Variants in PDE8B observed in about 807,000 individuals in gnomAD.
PDE8B encodes phosphodiesterase 8B.
In PDE8B, 26 loss-of-function variants were observed where a neutral mutation model predicts 101.3. That is an observed-to-expected ratio of 0.26 (90% CI 0.19 to 0.36). The LOEUF is 0.36. Among genes scored for constraint, PDE8B ranks in the 10% least tolerant of loss-of-function variants. The pLI, the probability that PDE8B is intolerant of heterozygous loss-of-function variation, is 1.00. For missense variants in PDE8B, 810 were observed against 1,163.1 expected (o/e 0.70, Z 4.42); for synonymous variants, 424 against 429.3 (o/e 0.99, Z 0.15).
chr5:77,390,539 G>C (rs190718929), intron 10 of PDE8B, among the ~76,000 whole-genome samples: 2 of 152,182 alleles, frequency 1.3e-5, no homozygotes. Context: ...GCTTTTACAA[G>C]AGGAGAAACA....
chr5:77,137,130 G>A, the PDE8B span, among the ~76,000 whole-genome samples: 3 of 152,186 alleles, frequency 2.0e-5, no homozygotes, highest in Admixed American at 1.3e-4. Context: ...GTATTGTGAT[G>A]TGCGCTTCTG....
intron 1 of PDE8B, among the ~76,000 whole-genome samples, chr5:77,239,626 C>G (rs1273289720): frequency 2.6e-5 from 4 of 152,202 alleles, no homozygotes; most frequent in African/African-American, 9.6e-5. Context: ...TAACATCTAA[C>G]CTTTCTGAAA....
chr5:77,178,885 C>T, the PDE8B span, among the ~76,000 whole-genome samples: 16 of 152,338 alleles, frequency 1.1e-4, no homozygotes, highest in South Asian at 8.3e-4. Context: ...AGTTCCCTGC[C>T]GGGTGGGCCT....
intron 10 of PDE8B, among the ~76,000 whole-genome samples, chr5:77,396,230 C>G (rs1381623902): frequency 6.6e-6 from 1 of 152,220 alleles, no homozygotes; most frequent in East Asian, 1.9e-4. Flanking sequence ...GCCCTTCCCC[C>G]ACATTGACTA....
chr5:77,086,892 G>T, the PDE8B span: 2 of 152,330 alleles, frequency 1.3e-5, no homozygotes, highest in African/African-American at 4.8e-5. Context: ...CAAGAATGAG[G>T]CACTGGAAGA....
intron 1 of PDE8B, among the ~76,000 whole-genome samples, chr5:77,296,704 C>A (rs2149998626): frequency 6.6e-6 from 1 of 152,318 alleles, no homozygotes; most frequent in Non-Finnish European, 1.5e-5. Context: ...TATATTGACT[C>A]TTATTGATTG....
the PDE8B span, among the ~76,000 whole-genome samples, chr5:77,204,248 A>C: frequency 6.6e-6 from 1 of 151,662 alleles, no homozygotes; most frequent in Non-Finnish European, 1.5e-5. Flanking sequence ...ATCTCTACTA[A>C]AAATATAAAA....
intron 19 of PDE8B, among the ~76,000 whole-genome samples, chr5:77,421,052 G>T (rs950700947): frequency 3.9e-5 from 6 of 152,170 alleles, no homozygotes; most frequent in African/African-American, 7.2e-5. Flanking sequence ...AATCTTTCAG[G>T]TTCTATGTAA....
chr5:77,296,739 C>T (rs917849922), intron 1 of PDE8B, among the ~76,000 whole-genome samples: 1 of 152,186 alleles, frequency 6.6e-6, no homozygotes, highest in Admixed American at 6.6e-5. Flanking sequence ...AATAGATACT[C>T]TAAGTTAGGG....
intron 1 of PDE8B, among the ~76,000 whole-genome samples, chr5:77,263,529 T>C (rs1761055745): frequency 6.6e-6 from 1 of 152,200 alleles, no homozygotes; most frequent in Admixed American, 6.5e-5. Context: ...AAAATGAAAT[T>C]ACAGGAACCC....
intron 2 of PDE8B, among the ~76,000 whole-genome samples, chr5:77,314,183 G>A (rs567756037): frequency 2.6e-5 from 4 of 152,132 alleles, no homozygotes; most frequent in South Asian, 2.1e-4. Flanking sequence ...CATCTTTGTC[G>A]AAAATCAGTC....
intron 21 of PDE8B, 46 bp from the exon 22 acceptor site, chr5:77,426,399 G>A (rs1798153197): frequency 7.9e-7 from 1 of 1,262,054 alleles, no homozygotes; most frequent in African/African-American, 1.5e-5. Context: ...AATGCTCCTG[G>A]GGTCTAAGTT....
intron 1 of PDE8B, among the ~76,000 whole-genome samples, chr5:77,289,546 G>A (rs140603022): frequency 6.6e-6 from 1 of 152,354 alleles, no homozygotes; most frequent in East Asian, 1.9e-4. Flanking sequence ...GGTTGGAAGT[G>A]TCACTGGTCT....
the PDE8B span, among the ~76,000 whole-genome samples, chr5:77,117,966 G>T: frequency 6.6e-6 from 1 of 151,760 alleles, no homozygotes; most frequent in Non-Finnish European, 1.5e-5. Context: ...ACGGAGTTTC[G>T]CTCTGTCCCT....
chr5:77,359,138 A>G (rs1782651157), intron 10 of PDE8B, among the ~76,000 whole-genome samples: 1 of 151,906 alleles, frequency 6.6e-6, no homozygotes, highest in African/African-American at 2.4e-5. Flanking sequence ...TGCAGCCGGG[A>G]GGAGGGGACA....
chr5:77,238,914 T>C (rs1050959185), intron 1 of PDE8B, among the ~76,000 whole-genome samples: 13 of 152,248 alleles, frequency 8.5e-5, no homozygotes, highest in Admixed American at 3.9e-4. Context: ...CAACAGATTG[T>C]ATGATGTCCA....
At chr5:77,285,274 G>A (rs1765770153) in intron 1 of PDE8B, among the ~76,000 whole-genome samples, 1 of 152,050 alleles carries the variant, frequency 6.6e-6, no homozygotes, top group Non-Finnish European at 1.5e-5. Context: ...TTTACCACTT[G>A]TATGCTCTTT....
chr5:77,382,776 T>G (rs1787747173), intron 10 of PDE8B, among the ~76,000 whole-genome samples: 1 of 152,226 alleles, frequency 6.6e-6, no homozygotes, highest in Non-Finnish European at 1.5e-5. Context: ...ATCCTTTTTT[T>G]ATGGCTGCAT....
chr5:77,359,366 C>T (rs963809986), intron 10 of PDE8B, among the ~76,000 whole-genome samples: 1 of 152,064 alleles, frequency 6.6e-6, no homozygotes, highest in African/African-American at 2.4e-5. Context: ...GTGCACCTAC[C>T]CTGAGCATGA....
Sources: gnomAD v4.1 joint callset for allele counts (sites outside exome capture counted in the v4.1 genomes callset) on GRCh38, gnomAD v4.1.1 for gene constraint, MANE v1.5 for transcripts, NCBI Gene and HGNC (gene_info 2026-07-23, HGNC 2026-07-21) for gene names.